The following POLE variants were observed in gnomAD, a reference collection of about 807,000 sequenced individuals.
The protein encoded by POLE is DNA polymerase epsilon catalytic subunit A.
Under a neutral mutation model 279.2 loss-of-function variants are expected in POLE, and 188 were observed. That is an observed-to-expected ratio of 0.67 (90% confidence interval 0.60 to 0.76). The LOEUF (loss-of-function observed/expected upper bound fraction) is 0.76. POLE is among the 30% of genes least tolerant of loss of function. POLE has a pLI of 0.00. For synonymous variants in POLE, 1,214 were observed against 1,172.5 expected, an observed-to-expected ratio of 1.04 and a Z score of -0.72; for missense variants, 2,703 against 3,016.7, an observed-to-expected ratio of 0.90 and a Z score of 2.44.
At chr12:132,681,662 G>A (rs1396256082) in intron 1 of POLE, among the ~76,000 whole-genome samples, 3 of 152,086 alleles carry the variant, frequency 2.0e-5, no homozygotes, top group African/African-American at 7.2e-5. Context: ...ATATATTCCT[G>A]AAAAACCCCG....
intron 13 of POLE, 57 bp from the exon 14 acceptor site, chr12:132,673,334 T>C: frequency 2.3e-6 from 3 of 1,309,930 alleles, no homozygotes; most frequent in African/African-American, 1.5e-5. Context: ...CAGGGTCAAG[T>C]GTGAAGCACA....
At chr12:132,657,728 T>C (rs2042577090) in intron 27 of POLE, 140 bp downstream of exon 27, 3 of 712,538 alleles carry the variant, frequency 4.2e-6, no homozygotes, top group Admixed American at 4.6e-5. Flanking sequence ...GGTTATTAGG[T>C]GCTCACCTAT....
intron 6 of POLE, 110 bp from the exon 7 acceptor site, chr12:132,677,829 C>T (rs1004288149): frequency 1.9e-5 from 20 of 1,043,310 alleles, no homozygotes; most frequent in African/African-American, 1.8e-4. Flanking sequence ...ACCGAGGAAA[C>T]ACAAAAGGTA....
At chr12:132,660,941 C>A (rs2138687925) in intron 25 of POLE, 28 bp downstream of exon 25, 1 of 1,533,356 alleles carries the variant, frequency 6.5e-7, no homozygotes, top group Non-Finnish European at 8.8e-7. Context: ...TCCCTCAGAG[C>A]AGGTGAGGGT....
intron 23 of POLE, among the ~76,000 whole-genome samples, chr12:132,662,186 A>G (rs1197299494): frequency 1.3e-5 from 2 of 152,244 alleles, no homozygotes; most frequent in African/African-American, 4.8e-5. Context: ...AAATGAGCCC[A>G]ACAGCACTGT....
intron 1 of POLE, among the ~76,000 whole-genome samples, chr12:132,683,617 T>C (rs972182660): frequency 6.6e-6 from 1 of 152,238 alleles, no homozygotes; most frequent in Non-Finnish European, 1.5e-5. Flanking sequence ...ATATTCCAAA[T>C]CTTGCTAGAG....
At chr12:132,681,011 C>T (rs1307920996) in intron 2 of POLE, 127 bp downstream of exon 2, 2 of 1,121,840 alleles carry the variant, frequency 1.8e-6, no homozygotes, top group African/African-American at 1.5e-5. Flanking sequence ...GAGCTGGGAA[C>T]CTTCACATCT....
At chr12:132,646,511 A>G (rs2042287059) in intron 32 of POLE, among the ~76,000 whole-genome samples, 1 of 145,958 alleles carries the variant, frequency 6.9e-6, no homozygotes, top group Non-Finnish European at 1.5e-5. Flanking sequence ...TTTGTTCAAC[A>G]TTCTTTCTTC....
At chr12:132,644,737 AG>A (rs2042237276) in intron 32 of POLE, among the ~76,000 whole-genome samples, 1 of 39,178 alleles carries the variant, frequency 2.6e-5, no homozygotes, top group Non-Finnish European at 5.2e-5. Flanking sequence ...GGGGTCCTGG[AG>A]GGGTCTGGGA....
intron 46 of POLE, 150 bp downstream of exon 46, chr12:132,625,967 G>A: frequency 9.2e-7 from 1 of 1,082,590 alleles, no homozygotes; most frequent in Non-Finnish European, 1.3e-6. Flanking sequence ...GGTGTGGGGA[G>A]GCCTGGGAAG....
chr12:132,654,369 G>A (rs2042488608), intron 29 of POLE, among the ~76,000 whole-genome samples: 1 of 151,846 alleles, frequency 6.6e-6, no homozygotes, highest in African/African-American at 2.4e-5. Flanking sequence ...CACTGCGCCT[G>A]GCCTGTTTCT....
intron 45 of POLE, among the ~76,000 whole-genome samples, chr12:132,627,354 A>G (rs1566310266): frequency 6.6e-6 from 1 of 152,068 alleles, no homozygotes; most frequent in East Asian, 1.9e-4. Flanking sequence ...AATGGACTGC[A>G]GTGGCACAAT....
chr12:132,636,819 A>G (rs1484977410), intron 41 of POLE, among the ~76,000 whole-genome samples: 6 of 152,236 alleles, frequency 3.9e-5, no homozygotes, highest in Admixed American at 3.3e-4. Context: ...AGGAAGGAGG[A>G]ACATCCTAAA....
At chr12:132,663,936 G>C in intron 23 of POLE, 68 bp downstream of exon 23, 2 of 1,564,314 alleles carry the variant, frequency 1.3e-6, no homozygotes, top group African/African-American at 1.4e-5. Flanking sequence ...AGGTGCTGCA[G>C]AGCCAGTGAC....
rs908638591 is a variant in POLE, at chr12:132,672,671, C to A, written c.1642G>T (p.Glu548Ter). ...ATATCGCTGCGGAAAACCCCAGACT[C>A]GAGGGCCTCCACGTGGCCCCCGACG... ...TYVGGHVEALESGVFRSDIPC... is the reference protein window; with the variant it reads ...TYVGGHVEAL The change falls in exon 15 of 49, where the codon GAG (glutamate) becomes TAG (stop). Residue 548 changes from glutamate (E) to a stop codon, truncating the protein, a stop_gained. Coordinates refer to ENST00000320574, the MANE Select transcript of POLE (RefSeq NM_006231.4). LOFTEE classifies it high-confidence loss of function. 14 of 1,614,122 alleles carry A rather than the reference C, an allele frequency of 8.7e-6. No homozygotes were observed. The highest frequency in any genetic ancestry group is 1.2e-5 in the Non-Finnish European group (14 of 1,180,028).
chr12:132,648,035 C>A (rs987794598), intron 32 of POLE, among the ~76,000 whole-genome samples: 3 of 152,176 alleles, frequency 2.0e-5, no homozygotes, highest in Non-Finnish European at 2.9e-5. Flanking sequence ...TCACTTCTTA[C>A]GTGATTCACA....
rs746243658 is a variant in POLE, at chr12:132,639,190, G to A, written c.5487C>T (p.Ser1829=). The part of the protein sequence containing the change: ...MHFYRWLRSP[S]SLLHDPALHR... ...GCAGGGCAGGGTCATGAAGCAGAGA[G>A]GATGGCGACCGAAGCCAGCGGTAGA... The change falls in exon 40 of 49, where the codon TCC becomes TCT. Residue 1829 remains serine (S), a synonymous_variant. Coordinates refer to ENST00000320574, the MANE Select transcript of POLE (RefSeq NM_006231.4). The surrounding 1 kb of genome is among the most constrained non-coding windows in gnomAD (Gnocchi z 4.7). 6.2e-7 allele frequency: 1 copy of A among 1,614,146 alleles called. No individual in the cohort carries two copies. Among genetic ancestry groups the A allele is most frequent in the Non-Finnish European group, 8.5e-7 (1 of 1,180,002 alleles).
intron 45 of POLE, 35 bp from the exon 46 acceptor site, chr12:132,626,352 C>G: frequency 6.3e-7 from 1 of 1,598,172 alleles, no homozygotes; most frequent in Non-Finnish European, 8.6e-7. Context: ...GGAAGGAGCT[C>G]CCGGGGCCTC....
At position 132,642,857 on chromosome 12, in the gene POLE, A is replaced by G. The variant is rs1555222691; in HGVS notation, c.4691T>C (p.Ile1564Thr). The G allele has an allele frequency of 1.9e-6, 3 of 1,614,016 alleles. No individual in the cohort carries two copies. Among genetic ancestry groups the G allele is most frequent in the Non-Finnish European group, 2.5e-6 (3 of 1,179,972 alleles). Residue 1564 changes from isoleucine to threonine, a missense_variant, in exon 36 of 49, where the codon ATC becomes ACC. Ile to Thr is a moderately conservative substitution (Grantham distance 89). This residue lies in a region of POLE where 1,551 missense variants were observed against 1,686.1 expected (regional missense o/e 0.92). Coordinates refer to ENST00000320574, the MANE Select transcript of POLE (RefSeq NM_006231.4). ...CAGGAATCGCTGGATGGCTCTGCAG[A>G]TGGTCTTCAGGTCAGTTTCTGCCCG... ...EVRAETDLKT[I>T]CRAIQRFLLA...
Sources: gnomAD v4.1 joint callset for allele counts (sites outside exome capture counted in the v4.1 genomes callset) on GRCh38, gnomAD v4.1.1 for gene constraint, gnomAD v4.1.1 regional missense constraint, Gnocchi (gnomAD v3.1) non-coding constraint, MANE v1.5 for transcripts, NCBI Gene and HGNC (gene_info 2026-07-23, HGNC 2026-07-21) for gene names.